Variants in C7 observed in about 807,000 individuals in gnomAD.
The protein encoded by C7 is complement component C7.
Under a neutral mutation model 104.8 loss-of-function variants are expected in C7, and 83 were observed. The ratio of observed to expected loss-of-function variants is 0.79; its 90% CI spans 0.66 to 0.95. C7 has a LOEUF of 0.95. Among genes scored for constraint, C7 ranks in the 40% least tolerant of loss-of-function variants. C7 has a pLI of 0.00. For synonymous variants in C7, 415 were observed against 360.6 expected (o/e 1.15, Z -1.71); for missense variants, 1,070 against 1,011.2 (o/e 1.06, Z -0.79).
intron 1 of C7, among the ~76,000 whole-genome samples, chr5:40,914,243 G>A (rs548929329): frequency 6.6e-6 from 1 of 152,210 alleles, no homozygotes; most frequent in South Asian, 2.1e-4. Flanking sequence ...ATATGCTTGT[G>A]AGCCATTTGT....
chr5:40,950,566 C>A (rs974331817), intron 9 of C7, among the ~76,000 whole-genome samples: 17 of 152,264 alleles, frequency 1.1e-4, no homozygotes, highest in African/African-American at 4.1e-4. Context: ...GAGGCTTTAT[C>A]AGGGGTTCTG....
At chr5:40,936,162 T>A (rs1219113218) in intron 4 of C7, among the ~76,000 whole-genome samples, 176 bp from the exon 5 acceptor site, 4 of 152,172 alleles carry the variant, frequency 2.6e-5, no homozygotes, top group African/African-American at 7.2e-5. Context: ...CCATGTGCCA[T>A]AAAATGGAGA....
chr5:40,965,084 G>A (rs1219766475), intron 14 of C7, among the ~76,000 whole-genome samples: 1 of 152,136 alleles, frequency 6.6e-6, no homozygotes, highest in African/African-American at 2.4e-5. Context: ...CAATTTCATT[G>A]CAATTTAAAA....
intron 9 of C7, 41 bp downstream of exon 9, chr5:40,950,055 C>A: frequency 4.9e-6 from 5 of 1,018,106 alleles, no homozygotes; most frequent in Non-Finnish European, 7.1e-6. Flanking sequence ...AGCTTAACTT[C>A]TTTTTTTTTT....
rs116328250 is a variant in C7, at chr5:40,977,740, A to G, written c.2165+900A>G. On this transcript the variant is annotated intron_variant, in intron 16 of 17. Coordinates refer to ENST00000313164, the MANE Select transcript of C7 (RefSeq NM_000587.4). The stretch of plus-strand genomic sequence containing the variant: ...AGGAAGTCCACGATGTGGCCCATAC[A>G]TGTCAGCTTCCCAGGCAGGTGGAGA... Among the ~76,000 whole-genome samples, 531 of 152,294 alleles carry G rather than the reference A, an allele frequency of 3.5e-3. 4 individuals are homozygous for G. Among genetic ancestry groups the G allele is most frequent in the African/African-American group, 0.012 (510 of 41,558 alleles).
chr5:40,942,160 G>T (rs1231819749), intron 6 of C7, among the ~76,000 whole-genome samples: 1 of 152,182 alleles, frequency 6.6e-6, no homozygotes, highest in Non-Finnish European at 1.5e-5. Context: ...GGGAGGTGAG[G>T]AATTTAAGAT....
At chr5:40,958,923 G>C (rs565718289) in intron 11 of C7, among the ~76,000 whole-genome samples, 1 of 152,038 alleles carries the variant, frequency 6.6e-6, no homozygotes, top group African/African-American at 2.4e-5. Context: ...CTAAATGAAC[G>C]ATAAATGAAT....
rs561130257 is a variant in C7, at chr5:40,917,450, A to G, written c.6+7834A>G. ...GTTAATCCATGTTGTCACAAATGACAGAATTTTCTTCTTTTTTTAAGGCCA... is the reference window on the plus strand; with the variant it reads ...GTTAATCCATGTTGTCACAAATGACGGAATTTTCTTCTTTTTTTAAGGCCA... On this transcript the variant is annotated intron_variant, in intron 1 of 17. Coordinates refer to ENST00000313164, the MANE Select transcript of C7 (RefSeq NM_000587.4). Among the ~76,000 whole-genome samples, 4 of 152,312 alleles carry G rather than the reference A, an allele frequency of 2.6e-5. No homozygotes were observed. The East Asian group carries it at 7.7e-4, about 29-fold the overall frequency.
chr5:40,958,763 A>G (rs1398020532), intron 11 of C7, among the ~76,000 whole-genome samples: 1 of 152,218 alleles, frequency 6.6e-6, no homozygotes, highest in Non-Finnish European at 1.5e-5. Flanking sequence ...CTTTATGAGT[A>G]GTCAAAGTAT....
At chr5:40,909,974 ATTTTT>A (rs1259880340) in intron 1 of C7, among the ~76,000 whole-genome samples, 1 of 124,664 alleles carries the variant, frequency 8.0e-6, no homozygotes, top group Non-Finnish European at 1.7e-5. Context: ...CCTCTGGTGT[ATTTTT>A]TTTTTTTTTT....
chr5:40,940,986 C>T (rs192686694), intron 6 of C7, among the ~76,000 whole-genome samples: 43 of 150,892 alleles, frequency 2.8e-4, no homozygotes, highest in Non-Finnish European at 4.0e-4. Flanking sequence ...ATATGTATAT[C>T]GTGTCTCATT....
Position 40,945,186 on chromosome 5 carries a change from T to A in C7, c.568-12T>A. ...AATTTAGTCATAGCAAAATTTTTCATTTTCTTTGTAGGTGAAAATAAATAA... is the reference window on the plus strand; with the variant it reads ...AATTTAGTCATAGCAAAATTTTTCAATTTCTTTGTAGGTGAAAATAAATAA... On this transcript the variant is annotated splice_polypyrimidine_tract_variant and intron_variant, in intron 6 of 17. Coordinates refer to ENST00000313164, the MANE Select transcript of C7 (RefSeq NM_000587.4). 7.1e-7 allele frequency: 1 copy of A among 1,415,212 alleles called. No homozygotes were observed. The highest frequency in any genetic ancestry group is 9.5e-7 in the Non-Finnish European group (1 of 1,049,346). 87.7% of individuals were successfully genotyped at this position (1,415,212 alleles called of 1,614,324 possible).
intron 8 of C7, 94 bp downstream of exon 8, chr5:40,947,939 T>A (rs1740088018): frequency 7.9e-7 from 1 of 1,268,814 alleles, no homozygotes; most frequent in African/African-American, 1.5e-5. Context: ...GCTTTAAAAT[T>A]TGACAAACAG....
chr5:40,971,368 G>T (rs1403644592), intron 14 of C7, among the ~76,000 whole-genome samples: 1 of 152,106 alleles, frequency 6.6e-6, no homozygotes, highest in Non-Finnish European at 1.5e-5. Flanking sequence ...ATGTTTGTTG[G>T]CTGCATAAAT....
Position 40,937,635 on chromosome 5 carries a change from G to A in C7, c.512G>A (p.Gly171Glu). 1 of 1,611,216 alleles carries A rather than the reference G, an allele frequency of 6.2e-7. No homozygotes were observed. Among genetic ancestry groups the A allele is most frequent in the Non-Finnish European group, 8.5e-7 (1 of 1,178,410 alleles). The change falls in exon 6 of 18, where the codon GGG becomes GAG. Residue 171 changes from glycine (G) to glutamate (E), a missense_variant. By Grantham distance (98) the Gly-to-Glu change is moderately conservative. Coordinates refer to ENST00000313164, the MANE Select transcript of C7 (RefSeq NM_000587.4). ...GGTCAATGTAGAAAGGTGTTTAGTG[G>A]GGATGGAAAAGATTTCTACAGGCTG... Reference protein sequence around the residue: ...FGGQCRKVFSGDGKDFYRLSG... With the variant: ...FGGQCRKVFSEDGKDFYRLSG...
chr5:40,947,639 T>A lies in C7; in HGVS notation c.776T>A (p.Val259Glu). 1 of 1,613,498 alleles carries A rather than the reference T, an allele frequency of 6.2e-7. No individual in the cohort carries two copies. The highest frequency in any genetic ancestry group is 8.5e-7 in the Non-Finnish European group (1 of 1,179,684). Residue 259 changes from valine to glutamate, a missense_variant, in exon 8 of 18, where the codon GTG (valine) becomes GAG (glutamate). Physicochemically the swap from Val to Glu is moderately radical, Grantham distance 121. Transcript: ENST00000313164. ...CTGGTTGTTGAGAACACTGTTGAAG[T>A]GGCTCAGTTCATTAATAACAATCCA... Reference protein sequence around the residue: ...QLLVVENTVEVAQFINNNPEF... With the variant: ...QLLVVENTVEEAQFINNNPEF...
rs2111731833 is a variant in C7 at position 40,979,775 on chromosome 5, C to T, written c.2216C>T (p.Pro739Leu). ...AQDERSKRIL[P>L]LTVCKMHVLH... Reference sequence around the variant, plus strand: ...GATGAGAGAAGCAAAAGGATACTGCCTCTGACAGTTTGCAAGATGCATGTT... The same window carrying T: ...GATGAGAGAAGCAAAAGGATACTGCTTCTGACAGTTTGCAAGATGCATGTT... Residue 739 changes from proline to leucine, a missense_variant, in exon 17 of 18, where the codon CCT becomes CTT. By Grantham distance (98) the Pro-to-Leu change is moderately conservative. Transcript: ENST00000313164. 6.2e-7 allele frequency: 1 copy of T among 1,613,668 alleles called. No individual in the cohort carries two copies. Among genetic ancestry groups the T allele is most frequent in the East Asian group, 2.2e-5 (1 of 44,870 alleles).
chr5:40,922,437 C>G (rs1739459663), intron 1 of C7, among the ~76,000 whole-genome samples: 1 of 143,494 alleles, frequency 7.0e-6, no homozygotes, highest in Non-Finnish European at 1.5e-5. Context: ...CGCAGTGGCT[C>G]AGAGCTGTAA....
intron 2 of C7, 142 bp from the exon 3 acceptor site, chr5:40,930,922 A>G (rs1739668221): frequency 4.5e-6 from 3 of 663,560 alleles, no homozygotes; most frequent in African/African-American, 1.8e-5. Context: ...CCATTTTTAT[A>G]TATTTTAGGA....
Sources: allele counts gnomAD v4.1 joint callset (sites outside exome capture counted in the v4.1 genomes callset), GRCh38; gene constraint gnomAD v4.1.1; transcripts MANE v1.5; gene names NCBI Gene and HGNC (gene_info 2026-07-23, HGNC 2026-07-21).